The following FAM161B variants were observed in gnomAD, a reference collection of about 807,000 sequenced individuals.
FAM161B encodes protein FAM161B.
Under a neutral mutation model 61.5 loss-of-function variants are expected in FAM161B, and 46 were observed. The ratio of observed to expected loss-of-function variants is 0.75; its 90% CI spans 0.59 to 0.96. FAM161B has a LOEUF of 0.96. FAM161B is among the 40% of genes least tolerant of loss of function. The pLI, the probability that FAM161B is intolerant of heterozygous loss-of-function variation, is 0.00. For missense variants in FAM161B, 774 were observed against 800.7 expected (o/e 0.97, Z 0.40); for synonymous variants, 284 against 302.7 (o/e 0.94, Z 0.64).
chr14:73,935,707 G>A (rs1053295626), intron 8 of FAM161B, among the ~76,000 whole-genome samples: 1 of 152,090 alleles, frequency 6.6e-6, no homozygotes. Flanking sequence ...AACTGGAATT[G>A]GAAAATGATC....
rs1472447491 is a variant in FAM161B at position 73,932,443 on chromosome 14, G to GTGAT, written c.*1809_*1812dup. 1 of 454,124 alleles carries GTGAT rather than the reference G, an allele frequency of 2.2e-6. No individual in the cohort carries two copies. The highest frequency in any genetic ancestry group is 4.4e-6 in the Non-Finnish European group (1 of 226,574). The allele number at this position is 454,124 out of a possible 1,614,324, so 28.1% of individuals were successfully genotyped here. On this transcript the variant is annotated 3_prime_UTR_variant, in exon 9 of 9. Coordinates refer to ENST00000286544, the MANE Select transcript of FAM161B (RefSeq NM_152445.3). ...GAACATCTTCATTTCTTAAGCCCAG[G>GTGAT]TGATAGTTACTCTGTCACCACCAAA...
In FAM161B at chr14:73,934,166, A is replaced by G. The variant is rs2055950663; in HGVS notation, c.*90T>C. 2 of 1,485,586 alleles carry G rather than the reference A, an allele frequency of 1.3e-6. No homozygotes were observed. Among genetic ancestry groups the G allele is most frequent in the East Asian group, 2.3e-5 (1 of 43,552 alleles). 92.0% of individuals were successfully genotyped at this position (1,485,586 alleles called of 1,614,324 possible). A position where few individuals can be genotyped will look rare whatever the true frequency, so the allele number is the denominator to read the frequency against. ...ATTTGTCCATCCTCTAACAGTAGCC[A>G]TGACTCAAAACCCAAGTTTTCCCTG... On this transcript the variant is annotated 3_prime_UTR_variant, in exon 9 of 9. Coordinates refer to ENST00000286544, the MANE Select transcript of FAM161B (RefSeq NM_152445.3).
chr14:73,947,469 GAC>G (rs1260285506), intron 1 of FAM161B, among the ~76,000 whole-genome samples: 1 of 151,956 alleles, frequency 6.6e-6, no homozygotes, highest in Non-Finnish European at 1.5e-5. Context: ...TAAGAAGTGG[GAC>G]ACACAATTAA....
chr14:73,942,220 T>G, intron 4 of FAM161B, 149 bp downstream of exon 4: 1 of 767,812 alleles, frequency 1.3e-6, no homozygotes, highest in Non-Finnish European at 2.0e-6. Context: ...GGTCTGGAGT[T>G]TATAGGAAAG....
Position 73,938,510 on chromosome 14 carries a change from T to C in FAM161B, c.1401-398A>G, listed in dbSNP as rs567347277. On this transcript the variant is annotated intron_variant, in intron 5 of 8. Transcript: ENST00000286544. ...TAAAATAGCCGGGCATGGTGGCTCA[T>C]GCCTGTAATCCCAGCACTTTGGGAG... Among the ~76,000 whole-genome samples, 519 of 151,524 alleles carry C rather than the reference T, an allele frequency of 3.4e-3. 3 individuals carry two copies. The highest frequency in any genetic ancestry group is 5.5e-3 in the Non-Finnish European group (376 of 67,856).
At chr14:73,935,916 G>A in intron 8 of FAM161B, 33 bp downstream of exon 8, 9 of 1,591,988 alleles carry the variant, frequency 5.7e-6, no homozygotes, top group African/African-American at 1.3e-5. Context: ...ACAATTTAGA[G>A]AGCTGCAGAA....
chr14:73,933,470 T>TA lies in FAM161B; in HGVS notation c.*785dup, dbSNP rs1451200755. On this transcript the variant is annotated 3_prime_UTR_variant, in exon 9 of 9. Coordinates refer to ENST00000286544, the MANE Select transcript of FAM161B (RefSeq NM_152445.3). ...TTCATCCCCCATGGGCTAGATCTGATATGCAGATGTATTTTATTTTGCCCA... is the reference window on the plus strand; with the variant it reads ...TTCATCCCCCATGGGCTAGATCTGATAATGCAGATGTATTTTATTTTGCCCA... 1 of 152,260 alleles carries TA rather than the reference T, an allele frequency of 6.6e-6. No individual in the cohort carries two copies. The highest frequency in any genetic ancestry group is 2.4e-5 in the African/African-American group (1 of 41,474). 9.4% of individuals were successfully genotyped at this position (152,260 alleles called of 1,614,324 possible). A position where few individuals can be genotyped will look rare whatever the true frequency, so the allele number is the denominator to read the frequency against.
Position 73,934,194 on chromosome 14 carries a change from T to G in FAM161B, c.*62A>C. The G allele has an allele frequency of 2.5e-6, 4 of 1,576,268 alleles. No homozygotes were observed. The highest frequency in any genetic ancestry group is 3.4e-6 in the Non-Finnish European group (4 of 1,162,718). ...ACTCAAAACCCAAGTTTTCCCTGCC[T>G]TGACTCAAACCCAAGTTAGCTGCTT... On this transcript the variant is annotated 3_prime_UTR_variant, in exon 9 of 9. Transcript: ENST00000286544.
intron 7 of FAM161B, among the ~76,000 whole-genome samples, chr14:73,936,420 A>T (rs1362296772): frequency 1.3e-5 from 2 of 152,190 alleles, no homozygotes; most frequent in African/African-American, 4.8e-5. Flanking sequence ...GACAAATGAG[A>T]CCCAGATTTA....
chr14:73,940,065 G>T (rs1159328300), intron 5 of FAM161B, among the ~76,000 whole-genome samples: 1 of 152,166 alleles, frequency 6.6e-6, no homozygotes, highest in African/African-American at 2.4e-5. Context: ...CTGCTGTGGG[G>T]CTTAACGATC....
chr14:73,927,614 T>G (rs2055852366), downstream of FAM161B, among the ~76,000 whole-genome samples: 1 of 152,180 alleles, frequency 6.6e-6, no homozygotes, highest in Non-Finnish European at 1.5e-5. Flanking sequence ...AAATGCCAGA[T>G]GTATGAAAAT....
Position 73,933,996 on chromosome 14 carries a change from A to T in FAM161B, c.*260T>A. On this transcript the variant is annotated 3_prime_UTR_variant, in exon 9 of 9. Transcript: ENST00000286544. ...GTCATCACGCCCAGCTAATTTTTGT[A>T]TTTTTAGTAGAGGTGGAGTTTTGCC... 1 of 316,134 alleles carries T rather than the reference A, an allele frequency of 3.2e-6. No homozygotes were observed. The highest frequency in any genetic ancestry group is 5.8e-6 in the Non-Finnish European group (1 of 171,708). The allele number at this position is 316,134 out of a possible 1,614,324, so 19.6% of individuals were successfully genotyped here. A position where few individuals can be genotyped will look rare whatever the true frequency, so the allele number is the denominator to read the frequency against.
chr14:73,929,734 T>C (rs1349465838), downstream of FAM161B, among the ~76,000 whole-genome samples: 1 of 151,952 alleles, frequency 6.6e-6, no homozygotes, highest in African/African-American at 2.4e-5. Flanking sequence ...AGAGGATCAC[T>C]TGGGCCCAGG....
chr14:73,945,799 T>G (rs2056061377), intron 2 of FAM161B, among the ~76,000 whole-genome samples: 1 of 151,382 alleles, frequency 6.6e-6, no homozygotes, highest in Non-Finnish European at 1.5e-5. Context: ...TGGAGTGCAG[T>G]GGCGTGATCT....
intron 7 of FAM161B, 68 bp from the exon 8 acceptor site, chr14:73,936,156 C>A: frequency 1.3e-6 from 2 of 1,498,902 alleles, no homozygotes; most frequent in South Asian, 1.4e-5. Flanking sequence ...ATTACTTAAT[C>A]AGTATTGTTA....
the FAM161B span, chr14:73,924,703 G>T: frequency 2.2e-6 from 1 of 445,598 alleles, no homozygotes; most frequent in Non-Finnish European, 4.5e-6. Context: ...TTGAGACAGA[G>T]TCTCGCTCCG....
At chr14:73,932,181 A>G (rs1280166856), downstream of FAM161B, 2 of 348,816 alleles carry the variant, frequency 5.7e-6, no homozygotes, top group Non-Finnish European at 1.1e-5. Context: ...ATACAGTAGC[A>G]TGTTAAGAGG....
chr14:73,948,123 C>G (rs372443982), intron 1 of FAM161B, among the ~76,000 whole-genome samples: 6 of 152,250 alleles, frequency 3.9e-5, no homozygotes, highest in African/African-American at 1.4e-4. Context: ...GGGGTTTCAC[C>G]ATGCTTCCCA....
At chr14:73,937,072 C>T (rs2055975922) in intron 7 of FAM161B, among the ~76,000 whole-genome samples, 3 of 150,530 alleles carry the variant, frequency 2.0e-5, no homozygotes, top group Admixed American at 6.7e-5. Context: ...CACACACATA[C>T]ACATGCATAC....
Sources: gnomAD v4.1 joint callset for allele counts (sites outside exome capture counted in the v4.1 genomes callset) on GRCh38, gnomAD v4.1.1 for gene constraint, MANE v1.5 for transcripts, NCBI Gene and HGNC (gene_info 2026-07-23, HGNC 2026-07-21) for gene names.